CLMN: variants seen among roughly 807,000 people sequenced by gnomAD.
The protein encoded by CLMN is calmin.
A neutral mutation model predicts 92.7 loss-of-function variants in CLMN; 57 were observed. The ratio of observed to expected loss-of-function variants is 0.61; its 90% CI spans 0.50 to 0.77. The LOEUF is 0.77. Ranked by LOEUF, CLMN falls within the 30% of genes least tolerant of loss-of-function variation. The pLI is 0.00. For missense variants in CLMN, 1,158 were observed against 1,237.5 expected (o/e 0.94, Z 0.96); for synonymous variants, 466 against 470.6 (o/e 0.99, Z 0.13).
intron 1 of CLMN, among the ~76,000 whole-genome samples, chr14:95,230,446 C>A (rs560719946): frequency 6.6e-6 from 1 of 152,340 alleles, no homozygotes; most frequent in African/African-American, 2.4e-5. Context: ...GACAAAACTA[C>A]AAATCAACCC....
intron 1 of CLMN, among the ~76,000 whole-genome samples, chr14:95,319,106 G>C (rs1367805848): frequency 6.6e-6 from 1 of 152,082 alleles, no homozygotes; most frequent in African/African-American, 2.4e-5. Flanking sequence ...TGGGGCTCTC[G>C]CCCTCTCCCC....
intron 1 of CLMN, among the ~76,000 whole-genome samples, chr14:95,289,688 T>C (rs1189043374): frequency 2.0e-5 from 3 of 152,032 alleles, no homozygotes; most frequent in Non-Finnish European, 4.4e-5. Flanking sequence ...CCCACCCCAA[T>C]CCCCCAGCCC....
chr14:95,195,418 C>G (rs985868223), intron 10 of CLMN, among the ~76,000 whole-genome samples: 2 of 152,232 alleles, frequency 1.3e-5, no homozygotes, highest in Admixed American at 1.3e-4. Context: ...CCTCCCCCTG[C>G]CTCTGTTTCC....
chr14:95,240,147 A>G (rs573663220), intron 1 of CLMN, among the ~76,000 whole-genome samples: 3 of 152,244 alleles, frequency 2.0e-5, no homozygotes, highest in Non-Finnish European at 4.4e-5. Flanking sequence ...GTACAACAAA[A>G]TCGCCTAACA....
intron 1 of CLMN, among the ~76,000 whole-genome samples, chr14:95,279,939 G>A (rs1199459354): frequency 6.6e-6 from 1 of 151,302 alleles, no homozygotes; most frequent in Non-Finnish European, 1.5e-5. Context: ...TGTATTTTTG[G>A]TAAAAGATTA....
Position 95,197,378 on chromosome 14 carries a change from AAGAT to A in CLMN, c.2512-688_2512-685del, listed in dbSNP as rs1420457172. Among the ~76,000 whole-genome samples the A allele has an allele frequency of 5.4e-5, 8 of 147,304 alleles. No homozygotes were observed. The South Asian group carries it at 1.5e-3, about 27-fold the overall frequency. On this transcript the variant is annotated intron_variant, in intron 9 of 12. Transcript: ENST00000298912. ...AAAAGAAGGAGAGAAGGAAGGAAGG[AAGAT>A]AGAGAGAGAAAGAAAAAAGAAAAAA...
intron 1 of CLMN, among the ~76,000 whole-genome samples, chr14:95,250,188 A>T (rs2140676632): frequency 6.6e-6 from 1 of 152,378 alleles, no homozygotes; most frequent in South Asian, 2.1e-4. Flanking sequence ...TTATTTGTAT[A>T]TGATCAAGAA....
At chr14:95,245,226 T>C (rs868691996) in intron 1 of CLMN, among the ~76,000 whole-genome samples, 16 of 24,922 alleles carry the variant, frequency 6.4e-4, no homozygotes, top group African/African-American at 4.3e-3. Context: ...ATATATATAT[T>C]ATATATATAT....
At chr14:95,225,879 G>C (rs721403) in intron 2 of CLMN, among the ~76,000 whole-genome samples, 36,582 of 152,180 alleles carry the variant, frequency 0.24, 5,075 homozygotes, top group Non-Finnish European at 0.32. Flanking sequence ...GACACTGTTT[G>C]GTTCCACACG....
chr14:95,204,418 A>G lies in CLMN; in HGVS notation c.931T>C (p.Phe311Leu). ...SDKEVPIEST[F>L]VRIKETPSEQ... ...GAAGGAGTTTCTTTGATGCGAACAA[A>G]AGTGGATTCGATAGGAACTTCTTTA... The change falls in exon 9 of 13, where the codon TTT (phenylalanine) becomes CTT (leucine). Residue 311 changes from phenylalanine (F) to leucine (L), a missense_variant. Coordinates refer to ENST00000298912, the MANE Select transcript of CLMN (RefSeq NM_024734.4). 1 of 1,611,182 alleles carries G rather than the reference A, an allele frequency of 6.2e-7. No individual in the cohort carries two copies. Among genetic ancestry groups the G allele is most frequent in the Admixed American group, 1.7e-5 (1 of 59,408 alleles).
chr14:95,238,726 A>G (rs1026088468), intron 1 of CLMN, among the ~76,000 whole-genome samples: 12 of 152,106 alleles, frequency 7.9e-5, no homozygotes, highest in African/African-American at 2.9e-4. Context: ...GCCGGCACAA[A>G]CCGGTGGTCT....
intron 6 of CLMN, among the ~76,000 whole-genome samples, chr14:95,212,667 G>A (rs1897230897): frequency 6.6e-6 from 1 of 152,126 alleles, no homozygotes; most frequent in South Asian, 2.1e-4. Context: ...GCAACATGAT[G>A]AAGGCTCCTC....
chr14:95,202,765 G>T, intron 9 of CLMN, 73 bp downstream of exon 9: 1 of 1,432,542 alleles, frequency 7.0e-7, no homozygotes, highest in Middle Eastern at 1.9e-4. Context: ...GGAGCAAGAA[G>T]CTGAGCTTCA....
intron 4 of CLMN, 30 bp from the exon 5 acceptor site, chr14:95,215,763 C>T (rs373593046): frequency 8.5e-6 from 13 of 1,533,484 alleles, no homozygotes; most frequent in Admixed American, 6.7e-5. Flanking sequence ...GAACTTAAAG[C>T]GAGGTGTCCA....
chr14:95,231,741 C>G (rs1377173253), intron 1 of CLMN, among the ~76,000 whole-genome samples: 1 of 152,182 alleles, frequency 6.6e-6, no homozygotes. Context: ...CAGCCCCACA[C>G]CAGCCAGAAC....
chr14:95,230,893 G>A (rs138474402), intron 1 of CLMN, among the ~76,000 whole-genome samples: 16 of 152,338 alleles, frequency 1.1e-4, no homozygotes, highest in East Asian at 1.9e-4. Flanking sequence ...AATGTGAACC[G>A]AAGGACATAA....
chr14:95,275,100 C>T (rs1428204379), intron 1 of CLMN, among the ~76,000 whole-genome samples: 2 of 151,900 alleles, frequency 1.3e-5, no homozygotes, highest in African/African-American at 2.4e-5. Flanking sequence ...TCACAGATGA[C>T]GCAGATTAAA....
At chr14:95,275,426 T>C (rs1324084197) in intron 1 of CLMN, among the ~76,000 whole-genome samples, 3 of 152,152 alleles carry the variant, frequency 2.0e-5, no homozygotes, top group Non-Finnish European at 2.9e-5. Flanking sequence ...TGCATTAGTA[T>C]GCTACAAGAC....
intron 1 of CLMN, among the ~76,000 whole-genome samples, chr14:95,255,923 T>C (rs1441176301): frequency 6.6e-6 from 1 of 152,190 alleles, no homozygotes; most frequent in Non-Finnish European, 1.5e-5. Flanking sequence ...ACATGTACCA[T>C]GTTATAGCAG....
Sources: allele counts gnomAD v4.1 joint callset (sites outside exome capture counted in the v4.1 genomes callset), GRCh38; gene constraint gnomAD v4.1.1; transcripts MANE v1.5; gene names NCBI Gene and HGNC (gene_info 2026-07-23, HGNC 2026-07-21).